Variants in PTPN21 observed in about 807,000 individuals in gnomAD.
The protein encoded by PTPN21 is tyrosine-protein phosphatase non-receptor type 21.
PTPN21 carries 77 observed loss-of-function variants against 131.8 expected under a neutral mutation model. That is an observed-to-expected ratio of 0.58 (90% CI 0.49 to 0.71). PTPN21 has a LOEUF of 0.71. PTPN21 is among the 30% of genes least tolerant of loss of function. The probability of loss-of-function intolerance (pLI) is 0.00; values close to 1 mark genes in which losing one functional copy is unlikely to be tolerated. For missense variants in PTPN21, 1,552 were observed against 1,527.1 expected (o/e 1.02, Z -0.27); for synonymous variants, 715 against 621.3 (o/e 1.15, Z -2.24).
Position 88,479,037 on chromosome 14 carries a change from C to T in PTPN21, c.2394G>A (p.Glu798=). 1 of 1,607,534 alleles carries T rather than the reference C, an allele frequency of 6.2e-7. No individual in the cohort carries two copies. Among genetic ancestry groups the T allele is most frequent in the Non-Finnish European group, 8.5e-7 (1 of 1,177,710 alleles). ...RDGLLMPSMS[E]SDLTTSGRYR... ...AGCGGCCTGACGTGGTGAGGTCGGA[C>T]TCCGACATGGAGGGCATCAGCAGCC... The change falls in exon 13 of 19, where the codon GAG becomes GAA. Residue 798 remains glutamate (E), a synonymous_variant. Coordinates refer to ENST00000556564, the MANE Select transcript of PTPN21 (RefSeq NM_007039.4).
At chr14:88,554,086 C>A (rs1056598853) in intron 1 of PTPN21, among the ~76,000 whole-genome samples, 1 of 152,160 alleles carries the variant, frequency 6.6e-6, no homozygotes, top group Admixed American at 6.5e-5. Flanking sequence ...TCACTTGGAG[C>A]ACACGAATGT....
intron 8 of PTPN21, among the ~76,000 whole-genome samples, chr14:88,500,512 A>G (rs531775521): frequency 6.6e-6 from 1 of 152,342 alleles, no homozygotes; most frequent in East Asian, 1.9e-4. Context: ...AATGGCCTCC[A>G]TATGGCACAA....
At position 88,523,809 on chromosome 14, in the gene PTPN21, A is replaced by G. The variant is rs563771975; in HGVS notation, c.181-6548T>C. Among the ~76,000 whole-genome samples, 5 of 152,000 alleles carry G rather than the reference A, an allele frequency of 3.3e-5. No individual in the cohort carries two copies. In the South Asian group the frequency reaches 1.0e-3, roughly 32 times the overall value. On this transcript the variant is annotated intron_variant, in intron 2 of 18. Transcript: ENST00000556564. ...AGTGAAGTTTGCAGGGTACAAGATCAACATGCAAAAATCAGCTGCTATATA... is the reference window on the plus strand; with the variant it reads ...AGTGAAGTTTGCAGGGTACAAGATCGACATGCAAAAATCAGCTGCTATATA...
chr14:88,488,415 C>T (rs1428446052), intron 10 of PTPN21, among the ~76,000 whole-genome samples: 1 of 152,208 alleles, frequency 6.6e-6, no homozygotes, highest in Admixed American at 6.5e-5. Flanking sequence ...TGCCAAAGTG[C>T]TTGACCCAGG....
At chr14:88,490,586 T>C (rs1300206353) in intron 10 of PTPN21, among the ~76,000 whole-genome samples, 1 of 152,112 alleles carries the variant, frequency 6.6e-6, no homozygotes, top group African/African-American at 2.4e-5. Context: ...AGACTTCCTA[T>C]AGTCTCTTCA....
At chr14:88,531,991 T>C (rs1283564369) in intron 2 of PTPN21, among the ~76,000 whole-genome samples, 1 of 151,862 alleles carries the variant, frequency 6.6e-6, no homozygotes, top group Non-Finnish European at 1.5e-5. Flanking sequence ...GTGCATAAAC[T>C]AGAAAACCTA....
At chr14:88,500,657 G>A (rs1454612874) in intron 8 of PTPN21, 126 bp downstream of exon 8, 9 of 670,432 alleles carry the variant, frequency 1.3e-5, no homozygotes, top group Admixed American at 1.0e-4. Flanking sequence ...CCTAGGAAGG[G>A]AATTATTTCC....
At chr14:88,475,151 TATA>T (rs1447800292) in intron 13 of PTPN21, among the ~76,000 whole-genome samples, 3 of 151,944 alleles carry the variant, frequency 2.0e-5, no homozygotes, top group African/African-American at 7.3e-5. Flanking sequence ...ATGATATCAA[TATA>T]ATGAGTAGCC....
chr14:88,479,755 C>T lies in PTPN21; in HGVS notation c.1676G>A (p.Arg559Gln), dbSNP rs765737049. Residue 559 changes from arginine (R) to glutamine (Q), a missense_variant, in exon 13 of 19, where the codon CGG becomes CAG. By Grantham distance (43) the Arg-to-Gln change is conservative. Coordinates refer to ENST00000556564, the MANE Select transcript of PTPN21 (RefSeq NM_007039.4). ...AQDYPSPNIM[R>Q]TQVYRPPPPY... The stretch of plus-strand genomic sequence containing the variant: ...TGGGGGTGGCCGGTACACCTGCGTC[C>T]GCATGATGTTGGGAGACGGGTAGTC... 1 of 1,543,738 alleles carries T rather than the reference C, an allele frequency of 6.5e-7. No individual in the cohort carries two copies. The highest frequency in any genetic ancestry group is 1.2e-5 in the South Asian group (1 of 80,936).
At position 88,479,541 on chromosome 14, in the gene PTPN21, C is replaced by T. The variant is rs763843116; in HGVS notation, c.1890G>A (p.Ala630=). ...VSEPLTAARH[A]QLHKRNSIEV... ...CGATGCTGTTCCGTTTGTGCAGCTG[C>T]GCGTGGCGCGCGGCGGTGAGGGGCT... Residue 630 remains alanine, a synonymous_variant, in exon 13 of 19, where the codon GCG becomes GCA. Transcript: ENST00000556564. The T allele has an allele frequency of 6.9e-6, 11 of 1,599,560 alleles. No homozygotes were observed. The highest frequency in any genetic ancestry group is 2.2e-5 in the East Asian group (1 of 44,812).
chr14:88,518,918 T>G (rs936365202), intron 2 of PTPN21, among the ~76,000 whole-genome samples: 4 of 152,098 alleles, frequency 2.6e-5, no homozygotes, highest in Non-Finnish European at 5.9e-5. Flanking sequence ...CCCCAAAATT[T>G]CATTACATGC....
intron 15 of PTPN21, among the ~76,000 whole-genome samples, chr14:88,470,573 G>T (rs1027045887): frequency 3.9e-5 from 6 of 152,212 alleles, no homozygotes; most frequent in Admixed American, 3.9e-4. Context: ...GTAATTACTA[G>T]ATTTGTGGTT....
chr14:88,519,275 T>A lies in PTPN21; in HGVS notation c.181-2014A>T, dbSNP rs560498116. Reference sequence around the variant, plus strand: ...ATTAAGACAATTGGAAAATCACTGCTTTGTAGTTGCACACTCCAGAATAAC... The same window carrying A: ...ATTAAGACAATTGGAAAATCACTGCATTGTAGTTGCACACTCCAGAATAAC... On this transcript the variant is annotated intron_variant, in intron 2 of 18. Coordinates refer to ENST00000556564, the MANE Select transcript of PTPN21 (RefSeq NM_007039.4). Among the ~76,000 whole-genome samples the A allele has an allele frequency of 3.9e-5, 6 of 152,324 alleles. No homozygotes were observed. The East Asian group carries it at 9.6e-4, about 24-fold the overall frequency.
intron 2 of PTPN21, among the ~76,000 whole-genome samples, chr14:88,533,347 C>T (rs2078580161): frequency 1.3e-5 from 2 of 152,156 alleles, no homozygotes; most frequent in Admixed American, 6.5e-5. Flanking sequence ...TCCCCTAAGA[C>T]TGTAACAGCT....
chr14:88,544,072 C>T (rs887964526), intron 2 of PTPN21, among the ~76,000 whole-genome samples: 15 of 152,164 alleles, frequency 9.9e-5, no homozygotes, highest in African/African-American at 3.1e-4. Context: ...AGGCCAGGTG[C>T]GGTGGCTCCT....
chr14:88,517,708 A>G (rs2078298738), intron 2 of PTPN21, among the ~76,000 whole-genome samples: 1 of 145,556 alleles, frequency 6.9e-6, no homozygotes, highest in African/African-American at 2.5e-5. Flanking sequence ...GTATGTGTAT[A>G]TATGTGTGTA....
chr14:88,515,930 C>G (rs1041795570), intron 3 of PTPN21, among the ~76,000 whole-genome samples: 1 of 152,164 alleles, frequency 6.6e-6, no homozygotes, highest in Non-Finnish European at 1.5e-5. Flanking sequence ...ATATTTCTAT[C>G]TCAGACTTTT....
intron 6 of PTPN21, chr14:88,504,040 A>G: frequency 5.2e-6 from 1 of 191,160 alleles, no homozygotes. Flanking sequence ...TGTACTTGCT[A>G]AGCTGTATCA....
intron 10 of PTPN21, among the ~76,000 whole-genome samples, chr14:88,493,462 T>C (rs1186928588): frequency 6.6e-6 from 1 of 152,158 alleles, no homozygotes; most frequent in Non-Finnish European, 1.5e-5. Flanking sequence ...GGAGTCAGAC[T>C]CCAAGGCCAA....
Sources: allele counts gnomAD v4.1 joint callset (sites outside exome capture counted in the v4.1 genomes callset), GRCh38; gene constraint gnomAD v4.1.1; transcripts MANE v1.5; gene names NCBI Gene and HGNC (gene_info 2026-07-23, HGNC 2026-07-21).